The following PDE3B variants were observed in gnomAD, a reference collection of about 807,000 sequenced individuals.
PDE3B encodes the protein cGMP-inhibited 3',5'-cyclic phosphodiesterase 3B.
Under a neutral mutation model 116.8 loss-of-function variants are expected in PDE3B, and 66 were observed. That is an observed-to-expected ratio of 0.56 (90% confidence interval 0.46 to 0.69). The LOEUF (loss-of-function observed/expected upper bound fraction) is 0.69. Among genes scored for constraint, PDE3B ranks in the 30% least tolerant of loss-of-function variants. PDE3B has a pLI of 0.00. For missense variants in PDE3B, 1,384 were observed against 1,368.1 expected, an observed-to-expected ratio of 1.01 and a Z score of -0.18; for synonymous variants, 595 against 533.6, an observed-to-expected ratio of 1.12 and a Z score of -1.59.
At chr11:14,847,293 G>A (rs1400350133) in intron 12 of PDE3B, among the ~76,000 whole-genome samples, 1 of 151,118 alleles carries the variant, frequency 6.6e-6, no homozygotes, top group Non-Finnish European at 1.5e-5. Context: ...TGAAACCAAC[G>A]AGAACAAAGA....
chr11:14,870,187 T>C lies in PDE3B; in HGVS notation c.*527T>C, dbSNP rs1434309476. 3.9e-5 allele frequency: 6 copies of C among 152,722 alleles called. No homozygotes were observed. The highest frequency in any genetic ancestry group is 2.0e-4 in the Admixed American group (3 of 15,344). The allele number at this position is 152,722 out of a possible 1,614,324, so 9.5% of individuals were successfully genotyped here. A position where few individuals can be genotyped will look rare whatever the true frequency, so the allele number is the denominator to read the frequency against. On this transcript the variant is annotated 3_prime_UTR_variant, in exon 16 of 16. Coordinates refer to ENST00000282096, the MANE Select transcript of PDE3B (RefSeq NM_000922.4). This position sits in a 1 kb window ranked among gnomAD's most constrained non-coding sequence, Gnocchi z 4.1. Reference sequence around the variant, plus strand: ...GGGATTTCTGCTCAATGCAATACACTGTTCAGTGCTATTCTCCCAGCTAGG... The same window carrying C: ...GGGATTTCTGCTCAATGCAATACACCGTTCAGTGCTATTCTCCCAGCTAGG...
At chr11:14,704,467 GGAAA>G (rs1353337235) in intron 1 of PDE3B, among the ~76,000 whole-genome samples, 1 of 151,532 alleles carries the variant, frequency 6.6e-6, no homozygotes, top group Non-Finnish European at 1.5e-5. Flanking sequence ...AAATGTATGT[GGAAA>G]GACAGATCAA....
Position 14,853,011 on chromosome 11 carries a change from CT to C in PDE3B, c.2521-6016del, listed in dbSNP as rs1201371669. Among the ~76,000 whole-genome samples, 1,210 of 142,530 alleles carry C rather than the reference CT, an allele frequency of 8.5e-3. 3 individuals are homozygous for C. Among genetic ancestry groups the C allele is most frequent in the African/African-American group, 0.01 (405 of 39,036 alleles). 93.5% of individuals were successfully genotyped at this position (142,530 alleles called of 152,430 possible). ...TATTGGTCCCATTAAGTCTCTCTCT[CT>C]TTTTTTTTTTTTTTTAACTTACTCA... On this transcript the variant is annotated intron_variant, in intron 12 of 15. Transcript: ENST00000282096.
At chr11:14,728,657 C>A (rs1856379084) in intron 1 of PDE3B, among the ~76,000 whole-genome samples, 1 of 151,996 alleles carries the variant, frequency 6.6e-6, no homozygotes, top group Non-Finnish European at 1.5e-5. Context: ...CTACTTGATA[C>A]TTAAGCTTCC....
intron 4 of PDE3B, among the ~76,000 whole-genome samples, chr11:14,803,407 T>A (rs1343431492): frequency 6.6e-6 from 1 of 152,178 alleles, no homozygotes; most frequent in Non-Finnish European, 1.5e-5. Flanking sequence ...AATGAAAAAC[T>A]ATACTTTAGT....
intron 1 of PDE3B, among the ~76,000 whole-genome samples, chr11:14,752,246 C>T (rs1237253392): frequency 6.6e-6 from 1 of 152,142 alleles, no homozygotes. Flanking sequence ...ACTTACCTGT[C>T]TTGGGCTTTA....
chr11:14,891,624 G>A, the PDE3B span: 41 of 1,075,658 alleles, frequency 3.8e-5, no homozygotes, highest in Admixed American at 5.1e-5. Flanking sequence ...CAAGACGCCC[G>A]CACCTGAGGG....
At chr11:14,659,561 A>T (rs1381831330) in intron 1 of PDE3B, among the ~76,000 whole-genome samples, 1 of 152,140 alleles carries the variant, frequency 6.6e-6, no homozygotes, top group African/African-American at 2.4e-5. Flanking sequence ...TGTAAAGGTA[A>T]ACTTGTGTCA....
intron 1 of PDE3B, chr11:14,674,095 A>T: frequency 6.5e-7 from 1 of 1,532,366 alleles, no homozygotes. Flanking sequence ...TTTAACTTCA[A>T]CTCTGTTCAT....
chr11:14,666,627 A>T (rs1253863408), intron 1 of PDE3B, among the ~76,000 whole-genome samples: 1 of 151,870 alleles, frequency 6.6e-6, no homozygotes, highest in Non-Finnish European at 1.5e-5. Context: ...GGTGAAGGAC[A>T]TGAACAGACA....
intron 1 of PDE3B, among the ~76,000 whole-genome samples, chr11:14,731,357 C>A (rs562343592): frequency 6.7e-6 from 1 of 149,114 alleles, no homozygotes; most frequent in South Asian, 2.1e-4. Flanking sequence ...GTCCCGAGTT[C>A]ACGCCATTCT....
At chr11:14,815,938 T>TACACACACACACACACAC (rs35596025) in intron 5 of PDE3B, among the ~76,000 whole-genome samples, 4 of 146,126 alleles carry the variant, frequency 2.7e-5, no homozygotes, top group South Asian at 2.2e-4. Flanking sequence ...ATTATATTTA[T>TACACACACACACACACAC]ACACACACAC....
intron 1 of PDE3B, among the ~76,000 whole-genome samples, chr11:14,719,051 G>A (rs371764928): frequency 2.8e-5 from 3 of 107,272 alleles, no homozygotes; most frequent in Non-Finnish European, 5.6e-5. Context: ...AAAAAGAGAG[G>A]AGAATCAAAT....
intron 1 of PDE3B, among the ~76,000 whole-genome samples, chr11:14,708,103 A>T (rs1309170335): frequency 1.3e-5 from 2 of 152,086 alleles, no homozygotes; most frequent in Non-Finnish European, 2.9e-5. Flanking sequence ...TATTTGGGTC[A>T]TAGGGATGAG....
intron 10 of PDE3B, 22 bp from the exon 11 acceptor site, chr11:14,834,960 A>G: frequency 1.4e-6 from 2 of 1,433,152 alleles, no homozygotes; most frequent in East Asian, 2.3e-5. Flanking sequence ...AACCTAACAG[A>G]AAAACGTTTT....
chr11:14,673,404 T>TA (rs1037798676), intron 1 of PDE3B, among the ~76,000 whole-genome samples: 14 of 145,016 alleles, frequency 9.7e-5, no homozygotes, highest in Non-Finnish European at 1.5e-4. Context: ...ACTTTGAAAT[T>TA]AAAAAAAAAA....
chr11:14,670,611 G>A (rs1270948098), intron 1 of PDE3B, among the ~76,000 whole-genome samples: 1 of 152,068 alleles, frequency 6.6e-6, no homozygotes, highest in Non-Finnish European at 1.5e-5. Context: ...ACCAAGGGAA[G>A]TTTTCAGGAA....
At position 14,661,070 on chromosome 11, in the gene PDE3B, T is replaced by C. The variant is rs146979161; in HGVS notation, c.978+16017T>C. Reference sequence around the variant, plus strand: ...AATAGGAACACTTTTACACTGTTGGTGGGACTATAAGTAGTTCAACCATTG... The same window carrying C: ...AATAGGAACACTTTTACACTGTTGGCGGGACTATAAGTAGTTCAACCATTG... On this transcript the variant is annotated intron_variant, in intron 1 of 15. Transcript: ENST00000282096. 5.9e-5 allele frequency among the ~76,000 whole-genome samples: 9 copies of C among 152,288 alleles called. No homozygotes were observed. In the East Asian group the frequency reaches 1.7e-3, roughly 29 times the overall value.
rs782808388 is a variant in PDE3B, at chr11:14,867,673, G to A, written c.3054G>A (p.Glu1018=). Residue 1018 remains glutamate, a synonymous_variant, in exon 15 of 16, where the codon GAG becomes GAA. Coordinates refer to ENST00000282096, the MANE Select transcript of PDE3B (RefSeq NM_000922.4). ...CAGGTCAGTGGTTAGAAGCAGAAGA[G>A]GATAATGATACTGAAAGTGGTGATG... ...LLPGQWLEAE[E]DNDTESGDDE... The A allele has an allele frequency of 1.1e-5, 18 of 1,613,918 alleles. No homozygotes were observed. In the South Asian group the frequency reaches 1.6e-4, roughly 15 times the overall value.
Sources: allele counts gnomAD v4.1 joint callset (sites outside exome capture counted in the v4.1 genomes callset), GRCh38; gene constraint gnomAD v4.1.1; non-coding constraint Gnocchi (gnomAD v3.1); transcripts MANE v1.5; gene names NCBI Gene and HGNC (gene_info 2026-07-23, HGNC 2026-07-21).